Variants in HVCN1 observed in about 807,000 individuals in gnomAD.
HVCN1 encodes the protein hydrogen voltage gated channel 1, also known as voltage-gated hydrogen channel 1.
A neutral mutation model predicts 29.2 loss-of-function variants in HVCN1; 14 were observed. The ratio of observed to expected loss-of-function variants is 0.48; its 90% CI spans 0.32 to 0.75. The LOEUF is 0.75. Ranked by LOEUF, HVCN1 falls within the 30% of genes least tolerant of loss-of-function variation. The pLI is 0.04. For synonymous variants in HVCN1, 131 were observed against 133.2 expected (o/e 0.98, Z 0.11); for missense variants, 263 against 341.8 (o/e 0.77, Z 1.82).
At chr12:110,672,759 A>G (rs1047726283) in intron 3 of HVCN1, among the ~76,000 whole-genome samples, 1 of 152,164 alleles carries the variant, frequency 6.6e-6, no homozygotes, top group South Asian at 2.1e-4. Flanking sequence ...CATGATAGTG[A>G]ACAAGTCTCA....
chr12:110,675,953 G>A (rs1454653748), intron 3 of HVCN1, among the ~76,000 whole-genome samples: 1 of 152,110 alleles, frequency 6.6e-6, no homozygotes, highest in Non-Finnish European at 1.5e-5. Flanking sequence ...TGGGATCAAG[G>A]TTCTGAGATG....
intron 5 of HVCN1, among the ~76,000 whole-genome samples, chr12:110,654,919 G>A (rs2067938899): frequency 6.6e-6 from 1 of 152,058 alleles, no homozygotes; most frequent in Non-Finnish European, 1.5e-5. Flanking sequence ...CCCAGCAAGG[G>A]GACCATGCAG....
intron 3 of HVCN1, among the ~76,000 whole-genome samples, chr12:110,662,726 AAAAC>A (rs781323477): frequency 4.0e-4 from 61 of 152,218 alleles, no homozygotes; most frequent in Non-Finnish European, 7.6e-4. Flanking sequence ...AAACAACACA[AAAAC>A]AAACACAAAA....
At chr12:110,684,520 GC>G (rs1325812689) in intron 2 of HVCN1, among the ~76,000 whole-genome samples, 1 of 152,198 alleles carries the variant, frequency 6.6e-6, no homozygotes, top group Non-Finnish European at 1.5e-5. Flanking sequence ...AAAGACGCCA[GC>G]CACAGAGCAA....
At chr12:110,673,297 T>G (rs1201164936) in intron 3 of HVCN1, among the ~76,000 whole-genome samples, 1 of 152,168 alleles carries the variant, frequency 6.6e-6, no homozygotes, top group Non-Finnish European at 1.5e-5. Flanking sequence ...AGCTTTGAAC[T>G]TGAGAAAGAT....
intron 3 of HVCN1, among the ~76,000 whole-genome samples, chr12:110,665,966 A>G (rs773731834): frequency 6.6e-6 from 1 of 151,250 alleles, no homozygotes; most frequent in Non-Finnish European, 1.5e-5. Context: ...AGATTGCACC[A>G]TTGCACTCCA....
At chr12:110,691,715 C>T (rs1280599618), upstream of HVCN1, among the ~76,000 whole-genome samples, 1 of 152,216 alleles carries the variant, frequency 6.6e-6, no homozygotes, top group Non-Finnish European at 1.5e-5. Context: ...GTGACCTCAA[C>T]AGACCCTGCT....
chr12:110,652,513 TCA>T (rs2067845465), intron 5 of HVCN1, among the ~76,000 whole-genome samples: 1 of 152,146 alleles, frequency 6.6e-6, no homozygotes, highest in Non-Finnish European at 1.5e-5. Context: ...TTCAAAGACA[TCA>T]CAGAGTCATG....
At position 110,651,955 on chromosome 12, in the gene HVCN1, G is replaced by A. The variant is rs558790955; in HGVS notation, c.412-507C>T. On this transcript the variant is annotated intron_variant, in intron 5 of 7. Coordinates refer to ENST00000242607, the MANE Select transcript of HVCN1 (RefSeq NM_032369.4). ...GAGGCTAGGTGGGGCCTCCTGCCAA[G>A]AGCCCAGTTTGAGGCCAGTCTGGGC... Among the ~76,000 whole-genome samples, 3 of 152,310 alleles carry A rather than the reference G, an allele frequency of 2.0e-5. No homozygotes were observed. The South Asian group carries it at 6.2e-4, about 32-fold the overall frequency.
chr12:110,687,910 C>T (rs1338279515), intron 2 of HVCN1: 1 of 152,256 alleles, frequency 6.6e-6, no homozygotes, highest in East Asian at 1.9e-4. Context: ...CAGAGATTTT[C>T]AAAACCCTGC....
intron 2 of HVCN1, among the ~76,000 whole-genome samples, chr12:110,696,675 C>T (rs1233398086): frequency 6.6e-6 from 1 of 152,162 alleles, no homozygotes; most frequent in Non-Finnish European, 1.5e-5. Context: ...AATGGAATAT[C>T]ATCATATATG....
At chr12:110,692,556 T>TA (rs1322991380), upstream of HVCN1, among the ~76,000 whole-genome samples, 1 of 151,718 alleles carries the variant, frequency 6.6e-6, no homozygotes, top group Non-Finnish European at 1.5e-5. Flanking sequence ...CCCATTTCTA[T>TA]AAAAAATGTT....
chr12:110,704,112 G>A (rs527778053), intron 1 of HVCN1, among the ~76,000 whole-genome samples: 1 of 152,164 alleles, frequency 6.6e-6, no homozygotes, highest in East Asian at 1.9e-4. Flanking sequence ...ACATGTGTAC[G>A]CCTAAGTATG....
At chr12:110,657,048 A>C (rs2136275948) in intron 4 of HVCN1, among the ~76,000 whole-genome samples, 1 of 152,370 alleles carries the variant, frequency 6.6e-6, no homozygotes, top group East Asian at 1.9e-4. Context: ...AAGTCAAAGA[A>C]GGCAGACAGA....
upstream of HVCN1, among the ~76,000 whole-genome samples, chr12:110,692,525 G>C (rs1002322325): frequency 1.3e-5 from 2 of 151,926 alleles, no homozygotes; most frequent in Non-Finnish European, 2.9e-5. Flanking sequence ...TTCAAGATGA[G>C]CCTTGGTGAC....
rs2067805742 is a variant in HVCN1 at position 110,651,266 on chromosome 12, C to T, written c.594G>A (p.Leu198=). Residue 198 remains leucine, a synonymous_variant, in exon 6 of 8, where the codon CTG becomes CTA. Coordinates refer to ENST00000242607, the MANE Select transcript of HVCN1 (RefSeq NM_032369.4). The stretch of plus-strand genomic sequence containing the variant: ...ACAGCCGGAGCAGAATCAGCAGGCC[C>T]AGAGCCTCAAACTGGTGCTCCTGGA... ...LLFQEHQFEA[L]GLLILLRLWR... 1.2e-6 allele frequency: 2 copies of T among 1,613,950 alleles called. No individual in the cohort carries two copies. The highest frequency in any genetic ancestry group is 1.3e-5 in the African/African-American group (1 of 74,902).
chr12:110,666,372 G>A (rs531004542), intron 3 of HVCN1, among the ~76,000 whole-genome samples: 64 of 152,076 alleles, frequency 4.2e-4, no homozygotes, highest in Admixed American at 8.5e-4. Flanking sequence ...GCAGTGAGCC[G>A]AGATCGTGCC....
intron 4 of HVCN1, among the ~76,000 whole-genome samples, chr12:110,657,553 C>CTTGT (rs1254646779): frequency 2.0e-5 from 3 of 150,182 alleles, no homozygotes; most frequent in Non-Finnish European, 3.0e-5. Flanking sequence ...ATAGTGGTGA[C>CTTGT]TTGTACAACA....
At chr12:110,652,232 A>T (rs1399732811) in intron 5 of HVCN1, among the ~76,000 whole-genome samples, 1 of 152,094 alleles carries the variant, frequency 6.6e-6, no homozygotes, top group Admixed American at 6.6e-5. Flanking sequence ...TGTCTGTACT[A>T]AAAAAATACA....
Sources: gnomAD v4.1 joint callset for allele counts (sites outside exome capture counted in the v4.1 genomes callset) on GRCh38, gnomAD v4.1.1 for gene constraint, MANE v1.5 for transcripts, NCBI Gene and HGNC (gene_info 2026-07-23, HGNC 2026-07-21) for gene names.